Variants in CDS2 observed in about 807,000 individuals in gnomAD.
The protein encoded by CDS2 is phosphatidate cytidylyltransferase 2.
CDS2 carries 47 observed loss-of-function variants against 59.0 expected under a neutral mutation model. The observed-to-expected ratio is 0.80, with a 90% CI of 0.63 to 1.02. The LOEUF is 1.02. Ranked by LOEUF, CDS2 falls within the 50% of genes least tolerant of loss-of-function variation. The pLI, the probability that CDS2 is intolerant of heterozygous loss-of-function variation, is 0.00. For synonymous variants in CDS2, 207 were observed against 206.4 expected, an observed-to-expected ratio of 1.00 and a Z score of -0.02; for missense variants, 356 against 558.9, an observed-to-expected ratio of 0.64 and a Z score of 3.66.
chr20:5,178,396 G>A (rs938056266), intron 4 of CDS2, among the ~76,000 whole-genome samples: 3 of 152,196 alleles, frequency 2.0e-5, no homozygotes, highest in African/African-American at 7.2e-5. Flanking sequence ...AAAGGCAGGA[G>A]AACAGCAGAC....
Position 5,182,462 on chromosome 20 carries a change from CGTGT to C in CDS2, c.588+22_588+25del, listed in dbSNP as rs574250548. ...TTCTACATGGTAAAGGAAATGCATG[CGTGT>C]GTGTCAGAATTCTTGATTTAAATGA... On this transcript the variant is annotated intron_variant, in intron 6 of 12. Coordinates refer to ENST00000460006, the MANE Select transcript of CDS2 (RefSeq NM_003818.4). 880 of 1,600,422 alleles carry C rather than the reference CGTGT, an allele frequency of 5.5e-4. No individual in the cohort carries two copies. Among genetic ancestry groups the C allele is most frequent in the Middle Eastern group, 8.3e-4 (5 of 6,036 alleles).
Position 5,179,121 on chromosome 20 carries a change from C to CTTT in CDS2, c.529+181_529+183dup, listed in dbSNP as rs34544851. Among the ~76,000 whole-genome samples the CTTT allele has an allele frequency of 6.5e-4, 85 of 130,260 alleles. 2 individuals carry two copies. Among genetic ancestry groups the CTTT allele is most frequent in the African/African-American group, 1.6e-3 (55 of 34,746 alleles). The allele number at this position is 130,260 out of a possible 152,430, so 85.5% of individuals were successfully genotyped here. ...TATGTTAAGCTGTAGCAGCTGTTACCTTTTTTTTTTTTTTTTTTGAGCCAG... is the reference window on the plus strand; with the variant it reads ...TATGTTAAGCTGTAGCAGCTGTTACCTTTTTTTTTTTTTTTTTTTTTGAGCCAG... On this transcript the variant is annotated intron_variant, in intron 5 of 12. Coordinates refer to ENST00000460006, the MANE Select transcript of CDS2 (RefSeq NM_003818.4).
intron 1 of CDS2, among the ~76,000 whole-genome samples, chr20:5,137,092 T>A (rs1194447498): frequency 6.6e-6 from 1 of 152,048 alleles, no homozygotes; most frequent in Non-Finnish European, 1.5e-5. Context: ...GCTGCATCCA[T>A]GTTGCCACAA....
chr20:5,178,737 T>C, intron 4 of CDS2, 80 bp from the exon 5 acceptor site: 2 of 1,492,374 alleles, frequency 1.3e-6, no homozygotes, highest in Non-Finnish European at 1.9e-6. Flanking sequence ...CTGCCCTCTG[T>C]CCCTTCCTCT....
intron 10 of CDS2, chr20:5,187,051 T>G: frequency 2.5e-6 from 1 of 401,858 alleles, no homozygotes. Flanking sequence ...GTTTTCAAAG[T>G]GTGTTCTGTG....
intron 3 of CDS2, chr20:5,176,235 A>C (rs1240947154): frequency 6.1e-6 from 1 of 163,066 alleles, no homozygotes; most frequent in East Asian, 1.7e-4. Flanking sequence ...CCTGGGAAAG[A>C]AGGTGAAACC....
chr20:5,138,631 A>G (rs2090667493), intron 1 of CDS2, among the ~76,000 whole-genome samples: 1 of 151,800 alleles, frequency 6.6e-6, no homozygotes, highest in Non-Finnish European at 1.5e-5. Context: ...GATTACAGGC[A>G]TGCACCACCA....
At chr20:5,188,365 A>G (rs966342604) in intron 10 of CDS2, among the ~76,000 whole-genome samples, 32 of 152,208 alleles carry the variant, frequency 2.1e-4, no homozygotes, top group African/African-American at 6.8e-4. Context: ...GAGAATACCC[A>G]AAACCATCTG....
chr20:5,169,964 G>A (rs2123033074), intron 1 of CDS2, among the ~76,000 whole-genome samples: 1 of 152,304 alleles, frequency 6.6e-6, no homozygotes, highest in African/African-American at 2.4e-5. Flanking sequence ...GGGTGTTTTA[G>A]GGTCTCGTGC....
intron 1 of CDS2, among the ~76,000 whole-genome samples, chr20:5,132,735 CTTA>C (rs1331340051): frequency 6.6e-6 from 1 of 151,994 alleles, no homozygotes; most frequent in Non-Finnish European, 1.5e-5. Context: ...TTTTATGTTT[CTTA>C]TTTTTGTTGC....
intron 1 of CDS2, among the ~76,000 whole-genome samples, chr20:5,136,673 G>C (rs2090652324): frequency 6.6e-6 from 1 of 152,072 alleles, no homozygotes; most frequent in East Asian, 1.9e-4. Flanking sequence ...GTATCTTTCA[G>C]GAGTTCTGAA....
At chr20:5,189,313 A>C in intron 11 of CDS2, 127 bp downstream of exon 11, 1 of 1,001,850 alleles carries the variant, frequency 1.0e-6, no homozygotes. Context: ...ATCTTGACCC[A>C]TGCACTGAAT....
At chr20:5,131,033 C>T (rs1017379281) in intron 1 of CDS2, among the ~76,000 whole-genome samples, 1 of 148,794 alleles carries the variant, frequency 6.7e-6, no homozygotes, top group Non-Finnish European at 1.5e-5. Flanking sequence ...GCGGAGCTTG[C>T]AGTGAGCCGA....
At chr20:5,148,911 G>C (rs1057288777) in intron 1 of CDS2, among the ~76,000 whole-genome samples, 4 of 152,186 alleles carry the variant, frequency 2.6e-5, no homozygotes, top group African/African-American at 9.7e-5. Flanking sequence ...TGGTCTCTCT[G>C]TTGAAAACAT....
intron 5 of CDS2, 60 bp from the exon 6 acceptor site, chr20:5,182,327 A>G: frequency 6.8e-7 from 1 of 1,463,896 alleles, no homozygotes; most frequent in Non-Finnish European, 9.4e-7. Context: ...TAGCTAAAGG[A>G]GGGCAAAGAT....
chr20:5,189,910 A>T (rs2091100063), intron 12 of CDS2, 72 bp downstream of exon 12: 2 of 1,414,878 alleles, frequency 1.4e-6, no homozygotes, highest in Admixed American at 3.7e-5. Context: ...TTTTAGCGGC[A>T]TCTAAGTTCC....
chr20:5,153,886 G>A (rs529474270), intron 1 of CDS2, among the ~76,000 whole-genome samples: 41 of 152,202 alleles, frequency 2.7e-4, no homozygotes, highest in Middle Eastern at 3.4e-3. Flanking sequence ...TTTTGCTTTG[G>A]AGGTTTGTGG....
intron 1 of CDS2, among the ~76,000 whole-genome samples, chr20:5,142,696 T>TA (rs1490162142): frequency 6.6e-6 from 1 of 152,162 alleles, no homozygotes; most frequent in Non-Finnish European, 1.5e-5. Context: ...AACTTATGTT[T>TA]ATTGAACCAC....
At chr20:5,178,639 C>T (rs1278246171) in intron 4 of CDS2, among the ~76,000 whole-genome samples, 178 bp from the exon 5 acceptor site, 1 of 152,120 alleles carries the variant, frequency 6.6e-6, no homozygotes, top group Non-Finnish European at 1.5e-5. Flanking sequence ...AAATTTCTCA[C>T]CTACGGTGTC....
Sources: allele counts gnomAD v4.1 joint callset (sites outside exome capture counted in the v4.1 genomes callset), GRCh38; gene constraint gnomAD v4.1.1; transcripts MANE v1.5; gene names NCBI Gene and HGNC (gene_info 2026-07-23, HGNC 2026-07-21).